C3orf70: variants seen among roughly 807,000 people sequenced by gnomAD.
C3orf70 encodes the protein chromosome 3 open reading frame 70.
In C3orf70, 15 loss-of-function variants were observed where a neutral mutation model predicts 20.7. The ratio of observed to expected loss-of-function variants is 0.72; its 90% CI spans 0.48 to 1.11. C3orf70 has a LOEUF of 1.11. Among genes scored for constraint, C3orf70 ranks in the 50% most tolerant of loss-of-function variants. C3orf70 has a pLI of 0.00. For synonymous variants in C3orf70, 161 were observed against 125.7 expected (o/e 1.28, Z -1.88); for missense variants, 332 against 317.6 (o/e 1.05, Z -0.34).
At chr3:185,091,880 A>G (rs62289760) in intron 1 of C3orf70, among the ~76,000 whole-genome samples, 19,542 of 123,912 alleles carry the variant, frequency 0.16, 2,529 homozygotes, top group African/African-American at 0.22. Context: ...ATATATATAT[A>G]ATATATATAC....
intron 1 of C3orf70, among the ~76,000 whole-genome samples, chr3:185,090,843 C>T (rs765485720): frequency 3.3e-5 from 5 of 152,110 alleles, no homozygotes; most frequent in African/African-American, 9.7e-5. Flanking sequence ...GCTGTGAGGA[C>T]GCTAAAGTTT....
chr3:185,145,403 T>C (rs1242176542), intron 1 of C3orf70, among the ~76,000 whole-genome samples: 1 of 152,256 alleles, frequency 6.6e-6, no homozygotes, highest in Non-Finnish European at 1.5e-5. Flanking sequence ...AAGCTTCGTA[T>C]CATACAAATA....
At chr3:185,120,053 T>C (rs1003476482) in intron 1 of C3orf70, among the ~76,000 whole-genome samples, 1 of 40,430 alleles carries the variant, frequency 2.5e-5, no homozygotes, top group African/African-American at 9.1e-5. Flanking sequence ...AAGAAAAAAG[T>C]GTCTTACAAA....
chr3:185,081,611 G>C lies in C3orf70; in HGVS notation c.*1396C>G, dbSNP rs982846923. 6.6e-6 allele frequency: 1 copy of C among 152,298 alleles called. No individual in the cohort carries two copies. The highest frequency in any genetic ancestry group is 1.5e-5 in the Non-Finnish European group (1 of 68,044). The allele number at this position is 152,298 out of a possible 1,614,324, so 9.4% of individuals were successfully genotyped here. The stretch of plus-strand genomic sequence containing the variant: ...TGAAACTATGCCTCATGGATAGAAG[G>C]TTTGGAGAAATAGCAGTTAACTGAC... On this transcript the variant is annotated 3_prime_UTR_variant, in exon 2 of 2. Transcript: ENST00000335012.
At chr3:185,152,563 C>A in intron 1 of C3orf70, 65 bp downstream of exon 1, 1 of 1,444,558 alleles carries the variant, frequency 6.9e-7, no homozygotes, top group South Asian at 1.3e-5. Context: ...CGGCAGCGAC[C>A]CCGGACGGCC....
At chr3:185,139,111 G>A (rs1487345088) in intron 1 of C3orf70, among the ~76,000 whole-genome samples, 1 of 150,668 alleles carries the variant, frequency 6.6e-6, no homozygotes, top group African/African-American at 2.4e-5. Context: ...AAAAAGGAGA[G>A]GGAGAGGGAG....
intron 1 of C3orf70, among the ~76,000 whole-genome samples, chr3:185,101,258 T>C (rs1715817110): frequency 1.3e-5 from 2 of 152,200 alleles, no homozygotes; most frequent in Non-Finnish European, 1.5e-5. Flanking sequence ...ATATCCTTGA[T>C]GAACATCAAT....
chr3:185,083,093 TCTCTGGACTGTAATCTTC>T lies in C3orf70; in HGVS notation c.649_666del (p.Glu217_Glu222del). On this transcript the variant is annotated inframe_deletion, in exon 2 of 2. Transcript: ENST00000335012. Reference sequence around the variant, plus strand: ...GTGCACTCATCCGGTTCCCAGCTGCTCTCTGGACTGTAATCTTCCTCTGAACTCAGTTCTGCTCCTTCT... The same window carrying T: ...GTGCACTCATCCGGTTCCCAGCTGCTCTCTGAACTCAGTTCTGCTCCTTCT... The T allele has an allele frequency of 6.2e-7, 1 of 1,614,164 alleles. No individual in the cohort carries two copies. Among genetic ancestry groups the T allele is most frequent in the Non-Finnish European group, 8.5e-7 (1 of 1,180,026 alleles).
intron 1 of C3orf70, among the ~76,000 whole-genome samples, chr3:185,107,092 C>T (rs1271443166): frequency 6.6e-6 from 1 of 152,174 alleles, no homozygotes; most frequent in African/African-American, 2.4e-5. Context: ...TGTGAAATAA[C>T]TATTCAGGGA....
intron 1 of C3orf70, among the ~76,000 whole-genome samples, chr3:185,086,568 T>C (rs1715462969): frequency 6.6e-6 from 1 of 152,184 alleles, no homozygotes; most frequent in African/African-American, 2.4e-5. Context: ...GCCTCACTCT[T>C]AGAATTCTCA....
At chr3:185,139,683 C>T (rs1308283005) in intron 1 of C3orf70, among the ~76,000 whole-genome samples, 1 of 151,894 alleles carries the variant, frequency 6.6e-6, no homozygotes, top group Non-Finnish European at 1.5e-5. Flanking sequence ...AGAAATAGAC[C>T]CACACAATAT....
At chr3:185,143,288 A>G (rs1716794899) in intron 1 of C3orf70, among the ~76,000 whole-genome samples, 1 of 152,208 alleles carries the variant, frequency 6.6e-6, no homozygotes, top group Non-Finnish European at 1.5e-5. Flanking sequence ...AGTCAGAAAA[A>G]GGGAAAGATA....
chr3:185,131,808 T>TTTTC (rs1266603224), intron 1 of C3orf70, among the ~76,000 whole-genome samples: 1 of 152,186 alleles, frequency 6.6e-6, no homozygotes, highest in African/African-American at 2.4e-5. Context: ...TCTGTAACCT[T>TTTTC]TTAGAAGGTC....
At chr3:185,125,721 G>T (rs1561356615) in intron 1 of C3orf70, among the ~76,000 whole-genome samples, 1 of 152,144 alleles carries the variant, frequency 6.6e-6, no homozygotes, top group Non-Finnish European at 1.5e-5. Flanking sequence ...AGATCCTTAT[G>T]TTAAGTGGAC....
intron 1 of C3orf70, among the ~76,000 whole-genome samples, chr3:185,093,588 C>T (rs761280877): frequency 3.9e-5 from 6 of 151,964 alleles, no homozygotes; most frequent in Non-Finnish European, 8.8e-5. Context: ...TAAACATCCA[C>T]GGACACCACA....
At chr3:185,141,132 G>GAACT (rs1716742536) in intron 1 of C3orf70, among the ~76,000 whole-genome samples, 1 of 152,032 alleles carries the variant, frequency 6.6e-6, no homozygotes, top group Non-Finnish European at 1.5e-5. Context: ...CCAGCTTCTA[G>GAACT]AACTGCAAGA....
intron 1 of C3orf70, among the ~76,000 whole-genome samples, chr3:185,097,715 G>A (rs754840974): frequency 5.9e-5 from 9 of 152,166 alleles, no homozygotes; most frequent in Non-Finnish European, 1.3e-4. Flanking sequence ...AAAGAGACAG[G>A]GAGGAAGCAC....
At chr3:185,147,063 T>C (rs993135867) in intron 1 of C3orf70, among the ~76,000 whole-genome samples, 1 of 152,260 alleles carries the variant, frequency 6.6e-6, no homozygotes, top group African/African-American at 2.4e-5. Context: ...TCCCAAATTC[T>C]GGTTCTCCAA....
intron 1 of C3orf70, among the ~76,000 whole-genome samples, chr3:185,088,428 A>T (rs1286937939): frequency 1.3e-5 from 2 of 152,174 alleles, no homozygotes; most frequent in Non-Finnish European, 2.9e-5. Context: ...CTTGGTTGTG[A>T]CACTGTACTA....
Sources: allele counts gnomAD v4.1 joint callset (sites outside exome capture counted in the v4.1 genomes callset), GRCh38; gene constraint gnomAD v4.1.1; transcripts MANE v1.5; gene names NCBI Gene and HGNC (gene_info 2026-07-23, HGNC 2026-07-21).